NAAA: variants seen among roughly 807,000 people sequenced by gnomAD.
NAAA encodes N-acylethanolamine-hydrolyzing acid amidase.
Under a neutral mutation model 44.8 loss-of-function variants are expected in NAAA, and 39 were observed. That is an observed-to-expected ratio of 0.87 (90% confidence interval 0.67 to 1.14). The LOEUF (loss-of-function observed/expected upper bound fraction) is 1.14. NAAA is among the 50% of genes most tolerant of loss of function. The pLI, the probability that NAAA is intolerant of heterozygous loss-of-function variation, is 0.00. For missense variants in NAAA, 460 were observed against 467.8 expected, an observed-to-expected ratio of 0.98 and a Z score of 0.15; for synonymous variants, 178 against 191.3, an observed-to-expected ratio of 0.93 and a Z score of 0.58.
At chr4:75,915,129 G>A in intron 9 of NAAA, 144 bp from the exon 10 acceptor site, 1 of 636,176 alleles carries the variant, frequency 1.6e-6, no homozygotes, top group South Asian at 2.0e-5. Context: ...TGAATCAAGA[G>A]GTCAAAGTGC....
Position 75,914,034 on chromosome 4 carries a change from A to G in NAAA, c.*341T>C, listed in dbSNP as rs1725446624. Reference sequence around the variant, plus strand: ...CGGAGAAGCAAAGGTATGATGGCAGAATCATGAGAAGATGGAAATAAGGCC... The same window carrying G: ...CGGAGAAGCAAAGGTATGATGGCAGGATCATGAGAAGATGGAAATAAGGCC... On this transcript the variant is annotated 3_prime_UTR_variant, in exon 11 of 11. Coordinates refer to ENST00000286733, the MANE Select transcript of NAAA (RefSeq NM_014435.4). 1 of 985,466 alleles carries G rather than the reference A, an allele frequency of 1.0e-6. No individual in the cohort carries two copies. Among genetic ancestry groups the G allele is most frequent in the African/African-American group, 1.7e-5 (1 of 57,374 alleles). The allele number at this position is 985,466 out of a possible 1,614,324, so 61.0% of individuals were successfully genotyped here.
In NAAA at chr4:75,913,755, T is replaced by C; in HGVS notation, c.*620A>G. 1 of 982,742 alleles carries C rather than the reference T, an allele frequency of 1.0e-6. No individual in the cohort carries two copies. The highest frequency in any genetic ancestry group is 4.7e-5 in the South Asian group (1 of 21,250). 60.9% of individuals were successfully genotyped at this position (982,742 alleles called of 1,614,324 possible). A position where few individuals can be genotyped will look rare whatever the true frequency, so the allele number is the denominator to read the frequency against. On this transcript the variant is annotated 3_prime_UTR_variant, in exon 11 of 11. Coordinates refer to ENST00000286733, the MANE Select transcript of NAAA (RefSeq NM_014435.4). ...TAAGAAATAATTTGGTTGCATATTA[T>C]TTTCAAAAAGCAGTAAGAAAGTAGC...
Position 75,931,264 on chromosome 4 carries a change from A to G in NAAA, c.539T>C (p.Leu180Ser), listed in dbSNP as rs1727205876. The change falls in exon 4 of 11, where the codon TTA becomes TCA. Residue 180 changes from leucine to serine, a missense_variant. Transcript: ENST00000286733. ...CTTGTGTGGGCTCTGGCCAGTCCAT[A>G]ATCCTACATAGCCAATAAAAGTAGT... ...TGTTFIGYVG[L>S]WTGQSPHKFT... 1.2e-6 allele frequency: 2 copies of G among 1,612,726 alleles called. No homozygotes were observed. The highest frequency in any genetic ancestry group is 1.1e-5 in the South Asian group (1 of 91,016).
At chr4:75,918,159 G>A (rs78133114) in intron 9 of NAAA, among the ~76,000 whole-genome samples, 12,860 of 152,198 alleles carry the variant, frequency 0.084, 935 homozygotes, top group African/African-American at 0.19. Context: ...TTGAATTTAA[G>A]ATTCCCAGAG....
In NAAA at chr4:75,940,803, C is replaced by T; in HGVS notation, c.147G>A (p.Leu49=). 1 of 1,598,774 alleles carries T rather than the reference C, an allele frequency of 6.3e-7. No homozygotes were observed. Among genetic ancestry groups the T allele is most frequent in the East Asian group, 2.2e-5 (1 of 44,540 alleles). The change falls in exon 1 of 11, where the codon CTG becomes CTA. Residue 49 remains leucine, a synonymous_variant. Transcript: ENST00000286733. ...CCAAGTCGTAGTGCCGCAGCACGGG[C>T]AGCCAGCGCAGCTCGGGGACCGAGT... ...SLDSVPELRW[L]PVLRHYDLDL... is the part of the protein sequence containing the mutation.
At chr4:75,922,196 C>T (rs372821437) in intron 5 of NAAA, among the ~76,000 whole-genome samples, 3 of 152,122 alleles carry the variant, frequency 2.0e-5, no homozygotes, top group African/African-American at 7.2e-5. Context: ...ACAGCAATAA[C>T]CATAAGGCAA....
chr4:75,925,413 T>G (rs1477280784), intron 5 of NAAA, among the ~76,000 whole-genome samples: 1 of 152,202 alleles, frequency 6.6e-6, no homozygotes, highest in Non-Finnish European at 1.5e-5. Flanking sequence ...CACTTTTCAC[T>G]TCTCTGACTA....
chr4:75,912,165 C>G (rs1050459956), downstream of NAAA, among the ~76,000 whole-genome samples: 1 of 152,214 alleles, frequency 6.6e-6, no homozygotes, highest in African/African-American at 2.4e-5. Flanking sequence ...AATGCCTTCG[C>G]TTTGCCTGGT....
intron 2 of NAAA, among the ~76,000 whole-genome samples, chr4:75,938,519 G>A (rs1257639608): frequency 6.6e-6 from 1 of 151,970 alleles, no homozygotes; most frequent in Non-Finnish European, 1.5e-5. Flanking sequence ...TCTTTTCTGT[G>A]CCTGAAAGCA....
At chr4:75,940,703 G>A (rs756927307) in intron 1 of NAAA, 41 bp downstream of exon 1, 7 of 1,569,270 alleles carry the variant, frequency 4.5e-6, no homozygotes, top group East Asian at 2.4e-5. Context: ...CGACCCGCAG[G>A]GCCGGTGTCC....
chr4:75,932,407 A>C (rs1727306895), intron 3 of NAAA, among the ~76,000 whole-genome samples: 1 of 152,134 alleles, frequency 6.6e-6, no homozygotes, highest in South Asian at 2.1e-4. Context: ...TTTAATCCTC[A>C]CAACTATCCC....
At chr4:75,931,185 AAAATT>A (rs1308539579) in intron 4 of NAAA, 24 bp downstream of exon 4, 1 of 1,579,432 alleles carries the variant, frequency 6.3e-7, no homozygotes, top group Non-Finnish European at 8.7e-7. Flanking sequence ...TAATGTAGCT[AAAATT>A]ACACAGGGGT....
chr4:75,936,194 A>T lies in NAAA; in HGVS notation c.413T>A (p.Ile138Asn), dbSNP rs1227799707. 1 of 1,614,068 alleles carries T rather than the reference A, an allele frequency of 6.2e-7. No individual in the cohort carries two copies. Among genetic ancestry groups the T allele is most frequent in the East Asian group, 2.2e-5 (1 of 44,872 alleles). ...SIVAQDSRGHIYHGRNLDYPF... is the reference protein window; with the variant it reads ...SIVAQDSRGHNYHGRNLDYPF... ...ATAATCCAAATTCCGACCATGGTAA[A>T]TGTGGCCTCTGGAGTCTTGAGCCAC... Residue 138 changes from isoleucine (I) to asparagine (N), a missense_variant, in exon 3 of 11, where the codon ATT becomes AAT. By Grantham distance (149) the Ile-to-Asn change is moderately radical. Coordinates refer to ENST00000286733, the MANE Select transcript of NAAA (RefSeq NM_014435.4).
intron 2 of NAAA, among the ~76,000 whole-genome samples, chr4:75,939,335 G>C (rs1186648488): frequency 6.6e-6 from 1 of 152,120 alleles, no homozygotes; most frequent in African/African-American, 2.4e-5. Context: ...GAGCTGGAAG[G>C]CCACTGAGTT....
In NAAA at chr4:75,940,953, T is replaced by C; in HGVS notation, c.-4A>G. 2.0e-6 allele frequency: 3 copies of C among 1,480,040 alleles called. No homozygotes were observed. The highest frequency in any genetic ancestry group is 2.7e-6 in the Non-Finnish European group (3 of 1,124,652). 91.7% of individuals were successfully genotyped at this position (1,480,040 alleles called of 1,614,324 possible). ...CCTCCCGGTCCGCGGTCCGCATGGC[T>C]CGGGCTCCAGCGGCCGCAACTTGGA... On this transcript the variant is annotated 5_prime_UTR_variant, in exon 1 of 11. Coordinates refer to ENST00000286733, the MANE Select transcript of NAAA (RefSeq NM_014435.4).
At chr4:75,939,676 A>C (rs2149293541) in intron 2 of NAAA, 1 of 250,486 alleles carries the variant, frequency 4.0e-6, no homozygotes, top group East Asian at 8.4e-5. Context: ...TGGCCTCCCA[A>C]AGTGCTGGGA....
In NAAA at chr4:75,929,244, T is replaced by G. The variant is rs188749042; in HGVS notation, c.589+1970A>C. On this transcript the variant is annotated intron_variant, in intron 4 of 10. Transcript: ENST00000286733. ...CCAGGTGTTTTGTTAAGCCTCCCCA[T>G]GCCCTGTGGCATTCATTAGTCCTCC... is the stretch of plus-strand genomic sequence containing the variant. Among the ~76,000 whole-genome samples, 367 of 152,338 alleles carry G rather than the reference T, an allele frequency of 2.4e-3. 2 individuals are homozygous for G. The highest frequency in any genetic ancestry group is 8.6e-3 in the African/African-American group (359 of 41,584).
intron 2 of NAAA, among the ~76,000 whole-genome samples, chr4:75,937,513 T>G (rs1244771666): frequency 6.6e-6 from 1 of 152,058 alleles, no homozygotes. Flanking sequence ...TTATTTATTT[T>G]GAGTCTCTGT....
At chr4:75,911,154 T>C (rs1386708576), downstream of NAAA, among the ~76,000 whole-genome samples, 1 of 152,114 alleles carries the variant, frequency 6.6e-6, no homozygotes, top group Non-Finnish European at 1.5e-5. Context: ...ACAAAGTCAA[T>C]TGATCAGTTA....
Sources: allele counts gnomAD v4.1 joint callset (sites outside exome capture counted in the v4.1 genomes callset), GRCh38; gene constraint gnomAD v4.1.1; transcripts MANE v1.5; gene names NCBI Gene and HGNC (gene_info 2026-07-23, HGNC 2026-07-21).